Variants in FAM186B observed in about 807,000 individuals in gnomAD.
FAM186B encodes family with sequence similarity 186 member B.
In FAM186B, 68 loss-of-function variants were observed where a neutral mutation model predicts 83.4. That is an observed-to-expected ratio of 0.81 (90% confidence interval 0.67 to 1.00). The LOEUF (loss-of-function observed/expected upper bound fraction) is 1.00. Ranked by LOEUF, FAM186B falls within the 50% of genes least tolerant of loss-of-function variation. The pLI is 0.00. For missense variants in FAM186B, 983 were observed against 1,099.2 expected, an observed-to-expected ratio of 0.89 and a Z score of 1.49; for synonymous variants, 389 against 422.0, an observed-to-expected ratio of 0.92 and a Z score of 0.96.
At chr12:49,589,667 AATCTAT>A (rs1391901812) in intron 5 of FAM186B, among the ~76,000 whole-genome samples, 5 of 152,118 alleles carry the variant, frequency 3.3e-5, no homozygotes, top group African/African-American at 7.2e-5. Context: ...AAAGAAGTTA[AATCTAT>A]ATCTATATAT....
At chr12:49,615,050 C>T in the FAM186B span, among the ~76,000 whole-genome samples, 2,482 of 152,080 alleles carry the variant, frequency 0.016, 64 homozygotes, top group African/African-American at 0.056. Context: ...ATGGCGTGAA[C>T]CCAGGGAGGC....
At chr12:49,606,916 C>G (rs1940035069), upstream of FAM186B, among the ~76,000 whole-genome samples, 1 of 152,060 alleles carries the variant, frequency 6.6e-6, no homozygotes, top group Admixed American at 6.6e-5. Context: ...TAAAATAATA[C>G]AAAATATGTT....
chr12:49,586,417 G>A (rs1245627365), downstream of FAM186B, among the ~76,000 whole-genome samples: 2 of 152,190 alleles, frequency 1.3e-5, no homozygotes, highest in Non-Finnish European at 2.9e-5. Flanking sequence ...CGTCATGAGT[G>A]TATGGGCTCA....
In FAM186B at chr12:49,599,472, A is replaced by G; in HGVS notation, c.2168T>C (p.Leu723Pro). 1 of 1,525,302 alleles carries G rather than the reference A, an allele frequency of 6.6e-7. No homozygotes were observed. The highest frequency in any genetic ancestry group is 1.3e-5 in the South Asian group (1 of 75,206). 94.5% of individuals were successfully genotyped at this position (1,525,302 alleles called of 1,614,324 possible). The change falls in exon 4 of 7, where the codon CTC (leucine) becomes CCC (proline). Residue 723 changes from leucine to proline, a missense_variant. By Grantham distance (98) the Leu-to-Pro change is moderately conservative. Coordinates refer to ENST00000257894, the MANE Select transcript of FAM186B (RefSeq NM_032130.3). ...GTGGGTTCCAGGGAGGACCTACCGG[A>G]GGCTCTGGAGGCGTCTATAGAAGAT... ...KYIFYRRLQS[L>P]RQEAINHVQI...
downstream of FAM186B, among the ~76,000 whole-genome samples, chr12:49,587,234 C>G (rs1939464234): frequency 6.6e-6 from 1 of 152,098 alleles, no homozygotes; most frequent in Non-Finnish European, 1.5e-5. Flanking sequence ...GTTTCTCAGG[C>G]AGTCCAAGGG....
At position 49,605,450 on chromosome 12, in the gene FAM186B, C is replaced by T. The variant is rs777227297; in HGVS notation, c.28G>A (p.Val10Met). The T allele has an allele frequency of 3.7e-6, 6 of 1,613,830 alleles. No homozygotes were observed. The highest frequency in any genetic ancestry group is 1.1e-5 in the South Asian group (1 of 90,948). MEKDDPPQL[V>M]TPTSVKAIIL... ...ATGGCTTTCACTGATGTGGGAGTCA[C>T]CAACTGTGGGGGGTCATCCTTCTCC... is the stretch of plus-strand genomic sequence containing the variant. Residue 10 changes from valine (V) to methionine (M), a missense_variant, in exon 1 of 7, where the codon GTG (valine) becomes ATG (methionine). Val to Met is a conservative substitution (Grantham distance 21, BLOSUM62 1). Coordinates refer to ENST00000257894, the MANE Select transcript of FAM186B (RefSeq NM_032130.3).
upstream of FAM186B, among the ~76,000 whole-genome samples, chr12:49,610,167 A>G (rs1592560099): frequency 6.6e-6 from 1 of 152,130 alleles, no homozygotes; most frequent in Non-Finnish European, 1.5e-5. Context: ...CCGATATTAT[A>G]GGGAAAGAAA....
chr12:49,598,562 C>T (rs897712972), intron 5 of FAM186B, among the ~76,000 whole-genome samples, 193 bp downstream of exon 5: 1 of 152,178 alleles, frequency 6.6e-6, no homozygotes, highest in Non-Finnish European at 1.5e-5. Flanking sequence ...AAGCTGCCCA[C>T]CCCCATGCTC....
rs1280575655 is a variant in FAM186B at position 49,604,523 on chromosome 12, G to C, written c.112C>G (p.Leu38Val). ...TTGACATTGTCCAAAATGTCTGAGA[G>C]CTGGGTAGAAATATCCTATAGAGAA... ...TRAQEDISTQ[L>V]SDILDNVNCV... The change falls in exon 2 of 7, where the codon CTC (leucine) becomes GTC (valine). Residue 38 changes from leucine to valine, a missense_variant. By Grantham distance (32) the Leu-to-Val change is conservative. Transcript: ENST00000257894. 5.6e-6 allele frequency: 9 copies of C among 1,613,948 alleles called. No homozygotes were observed. Among genetic ancestry groups the C allele is most frequent in the Non-Finnish European group, 7.6e-6 (9 of 1,179,928 alleles).
chr12:49,601,282 A>G, intron 3 of FAM186B, 148 bp from the exon 4 acceptor site: 2 of 1,145,552 alleles, frequency 1.7e-6, no homozygotes, highest in South Asian at 1.9e-5. Context: ...GGCCAGGGAC[A>G]GTGCTGTCAG....
At chr12:49,606,281 C>G (rs762080240), upstream of FAM186B, among the ~76,000 whole-genome samples, 1 of 151,862 alleles carries the variant, frequency 6.6e-6, no homozygotes, top group Non-Finnish European at 1.5e-5. Context: ...ATCACTTGAG[C>G]CCAGGAGTTT....
downstream of FAM186B, chr12:49,584,151 T>G (rs1377709151): frequency 3.7e-6 from 1 of 267,466 alleles, no homozygotes; most frequent in East Asian, 8.5e-5. Context: ...AATGAAGAGT[T>G]ACACCTACTA....
intron 2 of FAM186B, 107 bp downstream of exon 2, chr12:49,604,206 G>A: frequency 1.2e-6 from 1 of 831,410 alleles, no homozygotes; most frequent in Non-Finnish European, 2.0e-6. Context: ...TGTGACACGA[G>A]TGGTGGAATG....
chr12:49,604,155 C>G lies in FAM186B; in HGVS notation c.322+158G>C. On this transcript the variant is annotated intron_variant, in intron 2 of 6. Transcript: ENST00000257894. ...AATGTCATGATCTGTGATGTTTGGA[C>G]ACTTCTGTGTCTGCCCCTCAGGAGC... 3 of 613,282 alleles carry G rather than the reference C, an allele frequency of 4.9e-6. No individual in the cohort carries two copies. The South Asian group carries it at 6.1e-5, about 12-fold the overall frequency. 38.0% of individuals were successfully genotyped at this position (613,282 alleles called of 1,614,324 possible). A position where few individuals can be genotyped will look rare whatever the true frequency, so the allele number is the denominator to read the frequency against.
chr12:49,604,664 G>A, intron 1 of FAM186B, 126 bp from the exon 2 acceptor site: 5 of 685,572 alleles, frequency 7.3e-6, no homozygotes, highest in Non-Finnish European at 1.2e-5. Flanking sequence ...ATTTAAAGTG[G>A]GAATCATTAT....
chr12:49,591,452 A>G (rs1187670806), intron 5 of FAM186B, among the ~76,000 whole-genome samples: 1 of 152,220 alleles, frequency 6.6e-6, no homozygotes, highest in Non-Finnish European at 1.5e-5. Flanking sequence ...TTCTACATCC[A>G]GCAAAAACAT....
chr12:49,601,695 C>G (rs1039423373), intron 3 of FAM186B, among the ~76,000 whole-genome samples: 1 of 151,506 alleles, frequency 6.6e-6, no homozygotes, highest in African/African-American at 2.4e-5. Context: ...AGCAGCAGAC[C>G]CTCTCTCCCC....
chr12:49,599,973 T>C lies in FAM186B; in HGVS notation c.1667A>G (p.Glu556Gly). The stretch of plus-strand genomic sequence containing the variant: ...ACTGGTGGGTGTGAAGATCCTCCTC[T>C]CCACATCCTCCCCTAGCTGCTCTGG... Reference protein sequence around the residue: ...REPEQLGEDVERRIFTPTSRW... With the variant: ...REPEQLGEDVGRRIFTPTSRW... The change falls in exon 4 of 7, where the codon GAG becomes GGG. Residue 556 changes from glutamate to glycine, a missense_variant. By Grantham distance (98) the Glu-to-Gly change is moderately conservative. Coordinates refer to ENST00000257894, the MANE Select transcript of FAM186B (RefSeq NM_032130.3). 1 of 1,613,788 alleles carries C rather than the reference T, an allele frequency of 6.2e-7. No individual in the cohort carries two copies. Among genetic ancestry groups the C allele is most frequent in the South Asian group, 1.1e-5 (1 of 91,046 alleles).
chr12:49,595,440 A>G (rs1939693121), intron 5 of FAM186B: 2 of 502,464 alleles, frequency 4.0e-6, no homozygotes, highest in South Asian at 3.2e-5. Context: ...CTATCTGTGC[A>G]GGTCCTACTG....
Sources: allele counts gnomAD v4.1 joint callset (sites outside exome capture counted in the v4.1 genomes callset), GRCh38; gene constraint gnomAD v4.1.1; transcripts MANE v1.5; gene names NCBI Gene and HGNC (gene_info 2026-07-23, HGNC 2026-07-21).